Variants in PIK3C3 observed in about 807,000 individuals in gnomAD.
PIK3C3 encodes the protein PI3-kinase type 3.
Under a neutral mutation model 126.1 loss-of-function variants are expected in PIK3C3, and 95 were observed. The ratio of observed to expected loss-of-function variants is 0.75; its 90% CI spans 0.64 to 0.89. PIK3C3 has a LOEUF of 0.89. Ranked by LOEUF, PIK3C3 falls within the 40% of genes least tolerant of loss-of-function variation. The probability of loss-of-function intolerance (pLI) is 0.00; values close to 1 mark genes in which losing one functional copy is unlikely to be tolerated. For missense variants in PIK3C3, 829 were observed against 1,063.2 expected (o/e 0.78, Z 3.06); for synonymous variants, 374 against 360.0 (o/e 1.04, Z -0.44).
rs1986400617 is a variant in PIK3C3 at position 42,086,459 on chromosome 18, T to A, written c.*5322T>A. The A allele has an allele frequency of 6.6e-6, 1 of 152,168 alleles. No individual in the cohort carries two copies. The highest frequency in any genetic ancestry group is 6.5e-5 in the Admixed American group (1 of 15,274). 9.4% of individuals were successfully genotyped at this position (152,168 alleles called of 1,614,324 possible). On this transcript the variant is annotated 3_prime_UTR_variant, in exon 25 of 25. Transcript: ENST00000262039. The stretch of plus-strand genomic sequence containing the variant: ...CCACTGGGCTGCATTCCCAGGAAGT[T>A]AGGCATTCTTAGTCACAGGATGAGA...
intron 22 of PIK3C3, among the ~76,000 whole-genome samples, chr18:42,063,896 C>G (rs1054703755): frequency 5.3e-5 from 8 of 152,146 alleles, no homozygotes; most frequent in Non-Finnish European, 8.8e-5. Flanking sequence ...CCAACGCTTT[C>G]CTTACATCCA....
At chr18:42,076,162 G>GCA (rs1568013835) in intron 24 of PIK3C3, among the ~76,000 whole-genome samples, 3 of 58,648 alleles carry the variant, frequency 5.1e-5, no homozygotes, top group African/African-American at 2.6e-4. Flanking sequence ...ATATATATAT[G>GCA]CACATATATA....
At chr18:41,982,485 T>C (rs1451301186) in intron 4 of PIK3C3, among the ~76,000 whole-genome samples, 3 of 152,218 alleles carry the variant, frequency 2.0e-5, no homozygotes, top group African/African-American at 7.2e-5. Flanking sequence ...GAGCTTTTAT[T>C]ATGAAGTGAA....
intron 10 of PIK3C3, among the ~76,000 whole-genome samples, chr18:42,010,267 G>A (rs141829639): frequency 1.3e-5 from 2 of 152,280 alleles, no homozygotes; most frequent in East Asian, 3.9e-4. Flanking sequence ...TCAAGTTTTA[G>A]CATGAGATTG....
At chr18:41,990,401 A>T (rs1598873991) in intron 5 of PIK3C3, 58 bp from the exon 6 acceptor site, 2 of 962,406 alleles carry the variant, frequency 2.1e-6, no homozygotes, top group East Asian at 4.9e-5. Flanking sequence ...ATACATACTG[A>T]TCCTTTAAGA....
chr18:41,973,743 G>A (rs866926818), intron 4 of PIK3C3, among the ~76,000 whole-genome samples: 24 of 151,934 alleles, frequency 1.6e-4, no homozygotes, highest in African/African-American at 5.8e-4. Flanking sequence ...TTTAAACATG[G>A]GAAAGTATTT....
chr18:41,982,913 C>G (rs1328747176), intron 4 of PIK3C3, among the ~76,000 whole-genome samples: 1 of 152,058 alleles, frequency 6.6e-6, no homozygotes, highest in African/African-American at 2.4e-5. Flanking sequence ...TTTGTAAAGG[C>G]TGGAGGGTTT....
rs760479037 is a variant in PIK3C3 at position 42,029,349 on chromosome 18, C to T, written c.1615C>T (p.Arg539Cys). 3.1e-6 allele frequency: 5 copies of T among 1,613,144 alleles called. No individual in the cohort carries two copies. In the South Asian group the frequency reaches 3.3e-5, roughly 11 times the overall value. ...LKGDKSVRVM[R>C]SLLAAQQTFV... ...GGGTGATAAGTCTGTCAGAGTTATG[C>T]GTTCTTTGCTGGCTGCACAACAGAC... The change falls in exon 15 of 25, where the codon CGT (arginine) becomes TGT (cysteine). Residue 539 changes from arginine (R) to cysteine (C), a missense_variant. Arg to Cys is a radical substitution (Grantham distance 180). Around this residue, in one of 4 missense-constraint regions of PIK3C3, gnomAD observed 256 missense variants for 291.0 expected, o/e 0.88. Transcript: ENST00000262039.
At chr18:42,030,480 A>T (rs1369212093) in intron 15 of PIK3C3, among the ~76,000 whole-genome samples, 1 of 152,186 alleles carries the variant, frequency 6.6e-6, no homozygotes, top group Non-Finnish European at 1.5e-5. Flanking sequence ...TGACTTTTAA[A>T]GGACAGCAGA....
chr18:42,000,786 A>G (rs1417141801), intron 9 of PIK3C3, among the ~76,000 whole-genome samples: 1 of 152,186 alleles, frequency 6.6e-6, no homozygotes, highest in Non-Finnish European at 1.5e-5. Flanking sequence ...TTATATAGCC[A>G]TCAGATCTCA....
intron 9 of PIK3C3, among the ~76,000 whole-genome samples, chr18:42,002,125 C>A (rs1982319218): frequency 6.6e-6 from 1 of 152,146 alleles, no homozygotes. Flanking sequence ...ATTGAGCCAG[C>A]TTCTAAAGGA....
Position 42,086,811 on chromosome 18 carries a change from A to C in PIK3C3, c.*5674A>C, listed in dbSNP as rs1366351141. On this transcript the variant is annotated 3_prime_UTR_variant, in exon 25 of 25. Transcript: ENST00000262039. The stretch of plus-strand genomic sequence containing the variant: ...GCATATGATCAAGAAATAATCATTA[A>C]AAAATAGCCAACCAGCAGCTCATGC... 2 of 152,216 alleles carry C rather than the reference A, an allele frequency of 1.3e-5. No individual in the cohort carries two copies. Among genetic ancestry groups the C allele is most frequent in the African/African-American group, 4.8e-5 (2 of 41,462 alleles). 9.4% of individuals were successfully genotyped at this position (152,216 alleles called of 1,614,324 possible).
chr18:42,033,909 C>T lies in PIK3C3; in HGVS notation c.1791C>T (p.Pro597=). ...AACTTATCCCGTTGCCTTTAGAACC[C>T]CAAGTGAAAATTAGAGGAATAATTC... is the stretch of plus-strand genomic sequence containing the variant. The part of the protein sequence containing the change: ...DVELIPLPLE[P]QVKIRGIIPE... The change falls in exon 16 of 25, where the codon CCC becomes CCT. Residue 597 remains proline, a synonymous_variant. Coordinates refer to ENST00000262039, the MANE Select transcript of PIK3C3 (RefSeq NM_002647.4). The T allele has an allele frequency of 6.2e-7, 1 of 1,607,068 alleles. No individual in the cohort carries two copies. The highest frequency in any genetic ancestry group is 1.1e-5 in the South Asian group (1 of 89,986).
intron 11 of PIK3C3, among the ~76,000 whole-genome samples, chr18:42,014,681 T>A (rs1329829327): frequency 6.6e-6 from 1 of 152,210 alleles, no homozygotes; most frequent in Admixed American, 6.5e-5. Context: ...GGTTTGTTAT[T>A]GACAAAACCA....
At chr18:42,047,041 G>C (rs927683230) in intron 20 of PIK3C3, among the ~76,000 whole-genome samples, 1 of 152,004 alleles carries the variant, frequency 6.6e-6, no homozygotes, top group African/African-American at 2.4e-5. Flanking sequence ...TTGCTTTATC[G>C]TTAGGATTAA....
intron 12 of PIK3C3, among the ~76,000 whole-genome samples, chr18:42,019,913 C>T (rs1160185020): frequency 6.6e-6 from 1 of 152,042 alleles, no homozygotes; most frequent in Non-Finnish European, 1.5e-5. Context: ...GCCTTTCTTT[C>T]CTTCCTACTT....
intron 12 of PIK3C3, among the ~76,000 whole-genome samples, chr18:42,016,267 T>G (rs1311154818): frequency 1.3e-5 from 2 of 152,176 alleles, no homozygotes; most frequent in Non-Finnish European, 2.9e-5. Flanking sequence ...GATTAAAGTT[T>G]GTATGTTTGC....
chr18:41,993,483 C>A, intron 7 of PIK3C3, 142 bp downstream of exon 7: 1 of 599,252 alleles, frequency 1.7e-6, no homozygotes, highest in Non-Finnish European at 3.0e-6. Context: ...ACTTTAGCAT[C>A]TAGGCACTGT....
intron 16 of PIK3C3, among the ~76,000 whole-genome samples, chr18:42,036,295 G>A (rs766924404): frequency 6.6e-5 from 10 of 152,056 alleles, no homozygotes; most frequent in East Asian, 3.8e-4. Flanking sequence ...GTAGACAACC[G>A]TGTATCTACC....
Sources: allele counts gnomAD v4.1 joint callset (sites outside exome capture counted in the v4.1 genomes callset), GRCh38; gene constraint gnomAD v4.1.1; regional missense constraint gnomAD v4.1.1; transcripts MANE v1.5; gene names NCBI Gene and HGNC (gene_info 2026-07-23, HGNC 2026-07-21).